Variants in CFDP1 observed in about 807,000 individuals in gnomAD.
CFDP1 encodes chromatin remodeling protein CFDP1.
CFDP1 carries 31 observed loss-of-function variants against 40.1 expected under a neutral mutation model. The observed-to-expected ratio is 0.77, with a 90% CI of 0.58 to 1.04. The LOEUF (loss-of-function observed/expected upper bound fraction) is 1.04, where lower values mean the gene tolerates loss of function less well. Among genes scored for constraint, CFDP1 ranks in the 50% least tolerant of loss-of-function variants. The pLI, the probability that CFDP1 is intolerant of heterozygous loss-of-function variation, is 0.00. For synonymous variants in CFDP1, 167 were observed against 120.0 expected, an observed-to-expected ratio of 1.39 and a Z score of -2.56; for missense variants, 423 against 343.4, an observed-to-expected ratio of 1.23 and a Z score of -1.83.
chr16:75,324,968 C>G (rs537977863), intron 5 of CFDP1: 2 of 152,278 alleles, frequency 1.3e-5, no homozygotes, highest in South Asian at 4.1e-4. Context: ...ATGGCCTGCT[C>G]TTTGGAATTG....
intron 4 of CFDP1, among the ~76,000 whole-genome samples, chr16:75,405,919 CAAAAAAA>C (rs113081758): frequency 3.4e-5 from 4 of 115,964 alleles, no homozygotes; most frequent in Non-Finnish European, 7.4e-5. Context: ...ACCCCGTCTC[CAAAAAAA>C]AAAAGAAAAA....
chr16:75,347,259 G>A (rs749051843), intron 5 of CFDP1, among the ~76,000 whole-genome samples: 51 of 143,510 alleles, frequency 3.6e-4, no homozygotes, highest in African/African-American at 7.7e-4. Flanking sequence ...CAGGAGAATC[G>A]CTTGAACCCA....
intron 5 of CFDP1, among the ~76,000 whole-genome samples, chr16:75,320,801 G>C (rs902608612): frequency 2.6e-5 from 4 of 152,290 alleles, no homozygotes; most frequent in East Asian, 3.9e-4. Context: ...ACTGAAATGA[G>C]GGGGACTCAT....
rs181982530 is a variant in CFDP1 at position 75,410,493 on chromosome 16, G to T, written c.530+1332C>A. On this transcript the variant is annotated intron_variant, in intron 4 of 6. Transcript: ENST00000283882. ...ATTAAGCTAAGAAAATAATATTGAG[G>T]CCGGGGACAGTGGCTCATGCCTGTA... Among the ~76,000 whole-genome samples the T allele has an allele frequency of 9.9e-5, 15 of 152,220 alleles. No homozygotes were observed. The East Asian group carries it at 2.9e-3, about 29-fold the overall frequency.
intron 1 of CFDP1, among the ~76,000 whole-genome samples, chr16:75,426,080 G>A (rs1178554895): frequency 6.9e-6 from 1 of 144,324 alleles, no homozygotes; most frequent in Non-Finnish European, 1.5e-5. Flanking sequence ...GCCAGGCACT[G>A]TGGCTTATGC....
intron 5 of CFDP1, chr16:75,325,029 T>C (rs1266387626): frequency 1.3e-5 from 2 of 152,226 alleles, no homozygotes; most frequent in Non-Finnish European, 2.9e-5. Context: ...TCTTCTAGCA[T>C]GGAAAGTCCT....
chr16:75,409,074 G>C (rs898029607), intron 4 of CFDP1, among the ~76,000 whole-genome samples: 3 of 151,720 alleles, frequency 2.0e-5, no homozygotes, highest in Non-Finnish European at 4.4e-5. Flanking sequence ...GTTCAGGCTG[G>C]TCTCGAACTC....
intron 5 of CFDP1, among the ~76,000 whole-genome samples, chr16:75,349,650 CAAAAAAAAAAAAAAAAAAAAAAA>C (rs61472076): frequency 1.1e-3 from 25 of 23,222 alleles, no homozygotes; most frequent in Non-Finnish European, 1.6e-3. Flanking sequence ...GACTCCGTCT[CAAAAAAAAAAAAAAAAAAAAAAA>C]AAAAAAAAAA....
At chr16:75,349,666 A>ATATATATATAT (rs1567653444) in intron 5 of CFDP1, among the ~76,000 whole-genome samples, 4 of 13,690 alleles carry the variant, frequency 2.9e-4, no homozygotes, top group African/African-American at 3.8e-4. Context: ...AAAAAAAAAA[A>ATATATATATAT]AAAAAAAAAA....
intron 5 of CFDP1, among the ~76,000 whole-genome samples, chr16:75,335,219 C>T (rs2078478127): frequency 6.6e-6 from 1 of 152,186 alleles, no homozygotes; most frequent in Non-Finnish European, 1.5e-5. Context: ...TCTTGATTTA[C>T]AATTACGTGT....
intron 5 of CFDP1, among the ~76,000 whole-genome samples, chr16:75,323,287 C>A (rs1178909992): frequency 6.6e-6 from 1 of 151,618 alleles, no homozygotes; most frequent in East Asian, 1.9e-4. Flanking sequence ...GGGTCAGGAT[C>A]ATCAATATCA....
rs10635711 is a variant in CFDP1 at position 75,363,942 on chromosome 16, A to AACACACACACACACACAC, written c.650+31130_650+31147dup. On this transcript the variant is annotated intron_variant, in intron 5 of 6. Transcript: ENST00000283882. The stretch of plus-strand genomic sequence containing the variant: ...GTCTAGTGGGGGAGAAAAGAGGTGA[A>AACACACACACACACACAC]ACACACACACACACACACACACACA... Among the ~76,000 whole-genome samples, 413 of 142,934 alleles carry AACACACACACACACACAC rather than the reference A, an allele frequency of 2.9e-3. 3 individuals are homozygous for AACACACACACACACACAC. The highest frequency in any genetic ancestry group is 0.013 in the South Asian group (57 of 4,336). The allele number at this position is 142,934 out of a possible 152,430, so 93.8% of individuals were successfully genotyped here. A position where few individuals can be genotyped will look rare whatever the true frequency, so the allele number is the denominator to read the frequency against.
chr16:75,368,531 T>C (rs777116087), intron 5 of CFDP1, among the ~76,000 whole-genome samples: 1 of 152,236 alleles, frequency 6.6e-6, no homozygotes, highest in Non-Finnish European at 1.5e-5. Context: ...TAGTAATGTC[T>C]ACCCGCAAAG....
At chr16:75,420,831 G>A (rs1426475611) in intron 1 of CFDP1, among the ~76,000 whole-genome samples, 1 of 152,126 alleles carries the variant, frequency 6.6e-6, no homozygotes, top group Non-Finnish European at 1.5e-5. Context: ...TAGTCTCTAG[G>A]TAGTTCAACT....
At chr16:75,368,674 C>G (rs945717328) in intron 5 of CFDP1, among the ~76,000 whole-genome samples, 1 of 151,748 alleles carries the variant, frequency 6.6e-6, no homozygotes, top group Non-Finnish European at 1.5e-5. Context: ...GTGTGTAGGT[C>G]TGATATTTTC....
At chr16:75,405,268 G>GT (rs2079088302) in intron 4 of CFDP1, among the ~76,000 whole-genome samples, 1 of 152,146 alleles carries the variant, frequency 6.6e-6, no homozygotes, top group African/African-American at 2.4e-5. Context: ...GTAATAAAAT[G>GT]TAAGCATTTA....
chr16:75,390,417 T>C (rs187140532), intron 5 of CFDP1, among the ~76,000 whole-genome samples: 1 of 152,260 alleles, frequency 6.6e-6, no homozygotes, highest in Non-Finnish European at 1.5e-5. Context: ...ACCCTTGATA[T>C]CTGATCACAC....
chr16:75,427,401 C>A (rs781104610), intron 1 of CFDP1, among the ~76,000 whole-genome samples: 34 of 152,118 alleles, frequency 2.2e-4, no homozygotes, highest in Non-Finnish European at 3.8e-4. Flanking sequence ...CAGGCATGCA[C>A]CACCATGCCC....
At chr16:75,369,039 T>C (rs2078734701) in intron 5 of CFDP1, among the ~76,000 whole-genome samples, 1 of 152,104 alleles carries the variant, frequency 6.6e-6, no homozygotes, top group Non-Finnish European at 1.5e-5. Flanking sequence ...GACCAAAACA[T>C]TTATGTGGCC....
Sources: gnomAD v4.1 joint callset for allele counts (sites outside exome capture counted in the v4.1 genomes callset) on GRCh38, gnomAD v4.1.1 for gene constraint, MANE v1.5 for transcripts, NCBI Gene and HGNC (gene_info 2026-07-23, HGNC 2026-07-21) for gene names.